Variants in YTHDC2 observed in about 807,000 individuals in gnomAD.
YTHDC2 encodes 3'-5' RNA helicase YTHDC2.
YTHDC2 carries 45 observed loss-of-function variants against 174.9 expected under a neutral mutation model. The observed-to-expected ratio is 0.26, with a 90% CI of 0.20 to 0.33. The LOEUF (loss-of-function observed/expected upper bound fraction) is 0.33, where lower values mean the gene tolerates loss of function less well. Ranked by LOEUF, YTHDC2 falls within the 10% of genes least tolerant of loss-of-function variation. YTHDC2 has a pLI of 1.00. For missense variants in YTHDC2, 1,650 were observed against 1,723.7 expected, an observed-to-expected ratio of 0.96 and a Z score of 0.76; for synonymous variants, 657 against 574.5, an observed-to-expected ratio of 1.14 and a Z score of -2.05.
intron 12 of YTHDC2, among the ~76,000 whole-genome samples, chr5:113,552,699 A>T (rs1415875800): frequency 6.6e-6 from 1 of 152,082 alleles, no homozygotes; most frequent in Non-Finnish European, 1.5e-5. Flanking sequence ...GCTGGGGCAT[A>T]TGGTAACTCT....
At chr5:113,591,327 T>C (rs1778993887) in intron 27 of YTHDC2, 83 bp downstream of exon 27, 3 of 1,388,500 alleles carry the variant, frequency 2.2e-6, no homozygotes, top group Non-Finnish European at 3.0e-6. Flanking sequence ...AACTGGCTTT[T>C]CATTGCATCA....
chr5:113,553,482 A>T, intron 13 of YTHDC2, 108 bp from the exon 14 acceptor site: 1 of 1,434,656 alleles, frequency 7.0e-7, no homozygotes, highest in Non-Finnish European at 9.5e-7. Context: ...CTGTCATCTT[A>T]TGATAGTTTA....
chr5:113,531,794 A>G (rs574095396), intron 4 of YTHDC2, among the ~76,000 whole-genome samples: 29 of 152,258 alleles, frequency 1.9e-4, no homozygotes, highest in African/African-American at 6.7e-4. Context: ...TATATTTTTT[A>G]ACTATAAGAT....
At chr5:113,549,207 G>C (rs985374869) in intron 12 of YTHDC2, among the ~76,000 whole-genome samples, 187 bp downstream of exon 12, 1 of 152,074 alleles carries the variant, frequency 6.6e-6, no homozygotes, top group Admixed American at 6.6e-5. Context: ...TAAGAAATCA[G>C]TAGAGGGATT....
intron 23 of YTHDC2, among the ~76,000 whole-genome samples, chr5:113,571,886 A>G (rs777486045): frequency 2.0e-5 from 3 of 152,060 alleles, no homozygotes; most frequent in Non-Finnish European, 4.4e-5. Flanking sequence ...TAATCTAGCT[A>G]GCAGTCTGTT....
intron 23 of YTHDC2, among the ~76,000 whole-genome samples, chr5:113,569,206 A>G (rs1777557130): frequency 6.6e-6 from 1 of 151,910 alleles, no homozygotes; most frequent in South Asian, 2.1e-4. Context: ...TTTTTCTTGT[A>G]AATTTGCTTA....
At chr5:113,581,183 T>C (rs1778383132) in intron 24 of YTHDC2, 1 of 369,208 alleles carries the variant, frequency 2.7e-6, no homozygotes, top group Non-Finnish European at 4.8e-6. Context: ...CCACAACTAT[T>C]GTTTACTGTC....
chr5:113,536,919 C>T lies in YTHDC2; in HGVS notation c.1102+1121C>T, dbSNP rs538188374. ...AATTTGCTTTATCATGAACAGTTTT[C>T]CAGTTTAGTAACCCTGGATCTAGTT... is the stretch of plus-strand genomic sequence containing the variant. On this transcript the variant is annotated intron_variant, in intron 7 of 29. Transcript: ENST00000161863. Among the ~76,000 whole-genome samples, 3 of 152,260 alleles carry T rather than the reference C, an allele frequency of 2.0e-5. No homozygotes were observed. The East Asian group carries it at 5.8e-4, about 29-fold the overall frequency.
chr5:113,594,129 A>G lies in YTHDC2; in HGVS notation c.*655A>G, dbSNP rs1198547258. ...TAAAGGGCAAAGTTTCTTCCTGATC[A>G]GATTAGATTAAGTGCTTAGTTTTAT... On this transcript the variant is annotated 3_prime_UTR_variant, in exon 30 of 30. Coordinates refer to ENST00000161863, the MANE Select transcript of YTHDC2 (RefSeq NM_022828.5). 1.3e-5 allele frequency: 2 copies of G among 152,182 alleles called. No individual in the cohort carries two copies. Among genetic ancestry groups the G allele is most frequent in the East Asian group, 3.8e-4 (2 of 5,196 alleles). The allele number at this position is 152,182 out of a possible 1,614,324, so 9.4% of individuals were successfully genotyped here.
rs764674503 is a variant in YTHDC2 at position 113,553,336 on chromosome 5, A to G, written c.1844A>G (p.Asn615Ser). Reference sequence around the variant, plus strand: ...GATTTGATCATGCATCTTCTATACAATATCTGCCATAGTTGTGATGCTGGT... The same window carrying G: ...GATTTGATCATGCATCTTCTATACAGTATCTGCCATAGTTGTGATGCTGGT... Reference protein sequence around the residue: ...DLDLIMHLLYNICHSCDAGAV... With the variant: ...DLDLIMHLLYSICHSCDAGAV... Residue 615 changes from asparagine (N) to serine (S), a missense_variant, in exon 13 of 30, where the codon AAT (asparagine) becomes AGT (serine). Asn to Ser is a conservative substitution (Grantham distance 46). Transcript: ENST00000161863. 7 of 1,605,038 alleles carry G rather than the reference A, an allele frequency of 4.4e-6. No homozygotes were observed. Among genetic ancestry groups the G allele is most frequent in the Admixed American group, 1.7e-5 (1 of 57,608 alleles).
chr5:113,529,690 TATTA>T (rs965235490), intron 4 of YTHDC2, among the ~76,000 whole-genome samples: 87 of 152,272 alleles, frequency 5.7e-4, no homozygotes, highest in Middle Eastern at 3.4e-3. Context: ...CTTTTTGGCT[TATTA>T]ATTTTTGATT....
At chr5:113,581,842 A>G (rs2112793963) in intron 25 of YTHDC2, 133 bp downstream of exon 25, 2 of 762,434 alleles carry the variant, frequency 2.6e-6, no homozygotes, top group South Asian at 4.1e-5. Flanking sequence ...AAAGATAGCA[A>G]TAAAGTGGAA....
intron 9 of YTHDC2, 50 bp downstream of exon 9, chr5:113,541,166 G>C (rs773096186): frequency 3.2e-6 from 5 of 1,585,960 alleles, no homozygotes; most frequent in Non-Finnish European, 3.5e-6. Context: ...AATTGTGTAG[G>C]TTAAAGAACA....
chr5:113,577,256 C>T (rs1167997429), intron 23 of YTHDC2, among the ~76,000 whole-genome samples: 1 of 152,106 alleles, frequency 6.6e-6, no homozygotes, highest in Non-Finnish European at 1.5e-5. Context: ...TAACTCTTTA[C>T]TGCCTTTCTG....
chr5:113,576,731 G>A (rs1159560324), intron 23 of YTHDC2, among the ~76,000 whole-genome samples: 2 of 151,492 alleles, frequency 1.3e-5, no homozygotes, highest in Non-Finnish European at 2.9e-5. Context: ...ATTTATTTGG[G>A]TACTGATATT....
intron 2 of YTHDC2, among the ~76,000 whole-genome samples, chr5:113,518,563 G>A (rs1224238113): frequency 3.3e-5 from 1 of 30,360 alleles, no homozygotes; most frequent in African/African-American, 2.9e-4. Context: ...TTTCGTGTGT[G>A]TGTGTGTGTG....
At position 113,592,148 on chromosome 5, in the gene YTHDC2, C is replaced by T. The variant is rs909605375; in HGVS notation, c.4182C>T (p.Asn1394=). 4 of 1,611,784 alleles carry T rather than the reference C, an allele frequency of 2.5e-6. No individual in the cohort carries two copies. Among genetic ancestry groups the T allele is most frequent in the Non-Finnish European group, 2.5e-6 (3 of 1,179,096 alleles). ...AHHLLNPWND[N]KKVQISRDGQ... is the part of the protein sequence containing the mutation. ...ATTTACTCAATCCATGGAATGACAACAAGAAAGTGCAGATAAGCAGGGATG... is the reference window on the plus strand; with the variant it reads ...ATTTACTCAATCCATGGAATGACAATAAGAAAGTGCAGATAAGCAGGGATG... The change falls in exon 28 of 30, where the codon AAC becomes AAT. Residue 1394 remains asparagine, a synonymous_variant. Coordinates refer to ENST00000161863, the MANE Select transcript of YTHDC2 (RefSeq NM_022828.5).
chr5:113,575,053 G>C (rs1777957720), intron 23 of YTHDC2, among the ~76,000 whole-genome samples: 1 of 149,284 alleles, frequency 6.7e-6, no homozygotes, highest in Admixed American at 6.6e-5. Context: ...TCCATGGGTT[G>C]ATTTGTATGT....
intron 1 of YTHDC2, among the ~76,000 whole-genome samples, 190 bp from the exon 2 acceptor site, chr5:113,515,079 AGTT>A (rs1440615395): frequency 2.0e-5 from 3 of 152,170 alleles, no homozygotes. Context: ...GACATTCAGT[AGTT>A]ATTGAATTAA....
Sources: allele counts gnomAD v4.1 joint callset (sites outside exome capture counted in the v4.1 genomes callset), GRCh38; gene constraint gnomAD v4.1.1; transcripts MANE v1.5; gene names NCBI Gene and HGNC (gene_info 2026-07-23, HGNC 2026-07-21).